COL22A1: variants seen among roughly 807,000 people sequenced by gnomAD.
COL22A1 encodes the protein collagen type XXII alpha 1 chain.
In COL22A1, 221 loss-of-function variants were observed where a neutral mutation model predicts 248.9. The ratio of observed to expected loss-of-function variants is 0.89; its 90% confidence interval spans 0.80 to 0.99. COL22A1 has a LOEUF of 0.99. Among genes scored for constraint, COL22A1 ranks in the 50% least tolerant of loss-of-function variants. The pLI is 0.00. For synonymous variants in COL22A1, 891 were observed against 793.4 expected (o/e 1.12, Z -2.07); for missense variants, 2,240 against 2,179.0 (o/e 1.03, Z -0.56).
At chr8:138,730,372 G>A (rs111910845) in intron 23 of COL22A1, among the ~76,000 whole-genome samples, 3,142 of 152,224 alleles carry the variant, frequency 0.021, 89 homozygotes, top group African/African-American at 0.067. Context: ...GTATGGCGGT[G>A]GGCAGGGCTC....
chr8:138,845,158 A>G (rs1467511533), intron 3 of COL22A1, among the ~76,000 whole-genome samples: 1 of 152,212 alleles, frequency 6.6e-6, no homozygotes, highest in Non-Finnish European at 1.5e-5. Flanking sequence ...AAGTCATACA[A>G]TAAAAAATTA....
intron 36 of COL22A1, among the ~76,000 whole-genome samples, chr8:138,689,413 A>C (rs1186109980): frequency 6.6e-6 from 1 of 152,162 alleles, no homozygotes. Flanking sequence ...CATGGATGCA[A>C]TAGTAGGGAA....
At chr8:138,664,194 T>TGCGCGCGCGCGCGCGCGC (rs150972699) in intron 41 of COL22A1, among the ~76,000 whole-genome samples, 1 of 85,302 alleles carries the variant, frequency 1.2e-5, no homozygotes, top group African/African-American at 3.9e-5. Context: ...CAACAAGGGG[T>TGCGCGCGCGCGCGCGCGC]GCGCGCGCGC....
At chr8:138,634,747 A>C (rs1821004359) in intron 49 of COL22A1, among the ~76,000 whole-genome samples, 1 of 152,166 alleles carries the variant, frequency 6.6e-6, no homozygotes, top group Non-Finnish European at 1.5e-5. Flanking sequence ...TTGAAAAAAG[A>C]AGAAGTCTGT....
chr8:138,699,362 A>G (rs1394693723), intron 32 of COL22A1, among the ~76,000 whole-genome samples: 1 of 152,224 alleles, frequency 6.6e-6, no homozygotes, highest in Non-Finnish European at 1.5e-5. Context: ...ATAAATGAAG[A>G]TAGCAACAGC....
intron 3 of COL22A1, among the ~76,000 whole-genome samples, chr8:138,868,395 A>G (rs1823061762): frequency 6.6e-6 from 1 of 152,132 alleles, no homozygotes; most frequent in African/African-American, 2.4e-5. Flanking sequence ...ACCCTACCCA[A>G]CAGCATACAG....
chr8:138,680,392 AGTCATCT>A (rs946062261), intron 39 of COL22A1, among the ~76,000 whole-genome samples: 5 of 152,202 alleles, frequency 3.3e-5, no homozygotes, highest in Non-Finnish European at 7.3e-5. Context: ...CTTGCCTTTG[AGTCATCT>A]GTCTTGTAGG....
At chr8:138,814,118 G>C (rs1818479314) in intron 7 of COL22A1, among the ~76,000 whole-genome samples, 1 of 152,210 alleles carries the variant, frequency 6.6e-6, no homozygotes, top group Admixed American at 6.5e-5. Context: ...GCCAGGGCCT[G>C]GCCCTGCCTG....
chr8:138,806,169 GGTGTAAGTAATGGT>G (rs1462716148), intron 10 of COL22A1, among the ~76,000 whole-genome samples: 22 of 23,432 alleles, frequency 9.4e-4, no homozygotes, highest in African/African-American at 2.5e-3. Context: ...TGTGTGTGAT[GGTGTAAGTAATGGT>G]GTGTGATGGT....
At chr8:138,699,054 T>G (rs1827748691) in intron 32 of COL22A1, among the ~76,000 whole-genome samples, 1 of 152,166 alleles carries the variant, frequency 6.6e-6, no homozygotes, top group African/African-American at 2.4e-5. Flanking sequence ...CCTCTAGTGG[T>G]TGACAGCTCA....
Position 138,676,463 on chromosome 8 carries a change from A to C in COL22A1, c.3150+95T>G, listed in dbSNP as rs574828817. The C allele has an allele frequency of 4.7e-6, 3 of 634,012 alleles. No individual in the cohort carries two copies. The East Asian group carries it at 9.8e-5, about 21-fold the overall frequency. The allele number at this position is 634,012 out of a possible 1,614,324, so 39.3% of individuals were successfully genotyped here. A position where few individuals can be genotyped will look rare whatever the true frequency, so the allele number is the denominator to read the frequency against. ...AAAGAAAGAAAGAAAGAAAGGAAGA[A>C]AGAAAGAAAGAAAAGAGTGTTTCTG... is the stretch of plus-strand genomic sequence containing the variant. On this transcript the variant is annotated intron_variant, in intron 41 of 64. Coordinates refer to ENST00000303045, the MANE Select transcript of COL22A1 (RefSeq NM_152888.3).
At chr8:138,856,618 G>A (rs1822039691) in intron 3 of COL22A1, among the ~76,000 whole-genome samples, 1 of 145,384 alleles carries the variant, frequency 6.9e-6, no homozygotes, top group South Asian at 2.2e-4. Context: ...GAGAGAGAGA[G>A]GAGCAGAGAA....
At chr8:138,609,630 T>G (rs1324816405) in intron 56 of COL22A1, among the ~76,000 whole-genome samples, 1 of 152,198 alleles carries the variant, frequency 6.6e-6, no homozygotes, top group African/African-American at 2.4e-5. Flanking sequence ...CCCATCTGTG[T>G]CCCTCTAAAA....
At position 138,840,077 on chromosome 8, in the gene COL22A1, CAG is replaced by C. The variant is rs769146295; in HGVS notation, c.733+4005_733+4006del. Among the ~76,000 whole-genome samples the C allele has an allele frequency of 2.0e-5, 3 of 152,096 alleles. No individual in the cohort carries two copies. In the East Asian group the frequency reaches 5.8e-4, roughly 29 times the overall value. ...AGCCCAGATATGCCCTAAAAATAGCCAGAGTCATTTATGGGAAAGCCTGGAGG... is the reference window on the plus strand; with the variant it reads ...AGCCCAGATATGCCCTAAAAATAGCCAGTCATTTATGGGAAAGCCTGGAGG... On this transcript the variant is annotated intron_variant, in intron 4 of 64. Transcript: ENST00000303045.
At chr8:138,750,084 G>C (rs995960393) in intron 22 of COL22A1, among the ~76,000 whole-genome samples, 1 of 152,164 alleles carries the variant, frequency 6.6e-6, no homozygotes, top group Non-Finnish European at 1.5e-5. Context: ...CCCTACACAA[G>C]CTCCCTCTTT....
intron 3 of COL22A1, among the ~76,000 whole-genome samples, chr8:138,851,487 A>G (rs1353453336): frequency 2.0e-5 from 3 of 152,222 alleles, no homozygotes; most frequent in Non-Finnish European, 4.4e-5. Context: ...GTTACTATGT[A>G]TGAGTGCTAC....
intron 22 of COL22A1, among the ~76,000 whole-genome samples, chr8:138,746,199 GC>G (rs966977580): frequency 6.6e-6 from 1 of 152,140 alleles, no homozygotes; most frequent in Non-Finnish European, 1.5e-5. Context: ...GGGTTCTGTT[GC>G]CCCCCAACCC....
intron 47 of COL22A1, among the ~76,000 whole-genome samples, chr8:138,643,263 T>C (rs1164282016): frequency 1.3e-5 from 2 of 152,170 alleles, no homozygotes; most frequent in African/African-American, 4.8e-5. Flanking sequence ...GGCAAATCTC[T>C]TGTTCTATCT....
At chr8:138,719,576 C>T (rs1011650638) in intron 27 of COL22A1, among the ~76,000 whole-genome samples, 4 of 152,132 alleles carry the variant, frequency 2.6e-5, no homozygotes, top group Non-Finnish European at 4.4e-5. Flanking sequence ...TTAATTGGGT[C>T]TTTTAAAAAT....
Sources: allele counts gnomAD v4.1 joint callset (sites outside exome capture counted in the v4.1 genomes callset), GRCh38; gene constraint gnomAD v4.1.1; transcripts MANE v1.5; gene names NCBI Gene and HGNC (gene_info 2026-07-23, HGNC 2026-07-21).